Variants in DENND1A observed in about 807,000 individuals in gnomAD.
DENND1A encodes the protein DENN domain containing 1A, also known as DENN domain-containing protein 1A.
A neutral mutation model predicts 113.7 loss-of-function variants in DENND1A; 51 were observed. The observed-to-expected ratio is 0.45, with a 90% CI of 0.36 to 0.57. DENND1A has a LOEUF of 0.57. Ranked by LOEUF, DENND1A falls within the 20% of genes least tolerant of loss-of-function variation. The pLI is 0.00. For missense variants in DENND1A, 1,258 were observed against 1,395.9 expected, an observed-to-expected ratio of 0.90 and a Z score of 1.57; for synonymous variants, 565 against 570.8, an observed-to-expected ratio of 0.99 and a Z score of 0.14.
intron 12 of DENND1A, among the ~76,000 whole-genome samples, chr9:123,559,503 C>T (rs542506815): frequency 2.0e-5 from 3 of 152,180 alleles, no homozygotes; most frequent in African/African-American, 7.2e-5. Flanking sequence ...CCACAGCTTT[C>T]CTCAGATTCC....
At chr9:123,828,767 A>T (rs1473410666) in intron 2 of DENND1A, among the ~76,000 whole-genome samples, 1 of 152,110 alleles carries the variant, frequency 6.6e-6, no homozygotes, top group Non-Finnish European at 1.5e-5. Flanking sequence ...AAAGAAAATA[A>T]ATGCCAAGCT....
At chr9:123,757,990 A>G (rs2070719075) in intron 4 of DENND1A, among the ~76,000 whole-genome samples, 168 bp from the exon 5 acceptor site, 1 of 151,998 alleles carries the variant, frequency 6.6e-6, no homozygotes, top group Non-Finnish European at 1.5e-5. Flanking sequence ...AAAAAAAAAA[A>G]AAAAAAGACA....
At chr9:123,423,258 C>G (rs2045451967) in intron 19 of DENND1A, among the ~76,000 whole-genome samples, 1 of 152,150 alleles carries the variant, frequency 6.6e-6, no homozygotes, top group Admixed American at 6.5e-5. Flanking sequence ...GTAAGAGTCC[C>G]CTGGAAAGGC....
At chr9:123,656,007 C>T (rs1473527639) in intron 8 of DENND1A, among the ~76,000 whole-genome samples, 2 of 152,184 alleles carry the variant, frequency 1.3e-5, no homozygotes, top group Non-Finnish European at 2.9e-5. Flanking sequence ...ACATTAGACT[C>T]AGAAATCCAG....
chr9:123,451,886 G>A (rs181982487), intron 17 of DENND1A, among the ~76,000 whole-genome samples: 482 of 152,280 alleles, frequency 3.2e-3, no homozygotes, highest in Non-Finnish European at 4.8e-3. Context: ...TGCAATAGAG[G>A]ACAAGGTATA....
chr9:123,484,710 C>A (rs1220364898), intron 13 of DENND1A, among the ~76,000 whole-genome samples: 1 of 152,176 alleles, frequency 6.6e-6, no homozygotes, highest in African/African-American at 2.4e-5. Context: ...TGCTCCTGTT[C>A]CTTCTGTTGT....
At chr9:123,755,874 G>A (rs901365755) in intron 5 of DENND1A, among the ~76,000 whole-genome samples, 6 of 152,202 alleles carry the variant, frequency 3.9e-5, no homozygotes, top group African/African-American at 2.4e-5. Flanking sequence ...CCAGTAAACA[G>A]TAGGCTATGG....
intron 2 of DENND1A, among the ~76,000 whole-genome samples, chr9:123,820,056 CAT>C (rs1239442722): frequency 2.0e-5 from 3 of 151,886 alleles, no homozygotes; most frequent in African/African-American, 7.3e-5. Context: ...GAGGGAAAAA[CAT>C]ATTGAGAGGG....
chr9:123,656,862 G>T (rs1382757950), intron 8 of DENND1A, among the ~76,000 whole-genome samples: 1 of 152,200 alleles, frequency 6.6e-6, no homozygotes, highest in Non-Finnish European at 1.5e-5. Context: ...TGCTCAAAAG[G>T]TCTCGGTTTT....
intron 12 of DENND1A, among the ~76,000 whole-genome samples, chr9:123,573,398 G>C (rs1296446303): frequency 2.6e-5 from 4 of 152,008 alleles, no homozygotes; most frequent in African/African-American, 9.7e-5. Context: ...TAAAAATATT[G>C]AGTAAAAAAA....
At chr9:123,771,694 T>C (rs552126005) in intron 3 of DENND1A, among the ~76,000 whole-genome samples, 1 of 152,262 alleles carries the variant, frequency 6.6e-6, no homozygotes, top group South Asian at 2.1e-4. Flanking sequence ...CTCACTACAA[T>C]ATAGAAACTT....
At chr9:123,747,041 G>GT (rs1486628243) in intron 5 of DENND1A, among the ~76,000 whole-genome samples, 2 of 151,638 alleles carry the variant, frequency 1.3e-5, no homozygotes, top group Non-Finnish European at 2.9e-5. Flanking sequence ...TGTTTGCAGT[G>GT]TTTTTTTGTT....
intron 5 of DENND1A, among the ~76,000 whole-genome samples, chr9:123,749,093 C>A (rs2069780952): frequency 6.6e-6 from 1 of 152,208 alleles, no homozygotes; most frequent in Non-Finnish European, 1.5e-5. Context: ...TGGGCTCATT[C>A]TCCTGAGTTG....
At chr9:123,449,487 A>G (rs10986020) in intron 18 of DENND1A, among the ~76,000 whole-genome samples, 18,900 of 150,888 alleles carry the variant, frequency 0.13, 1,386 homozygotes, top group African/African-American at 0.2. Flanking sequence ...GTGAGCCGAG[A>G]TCGCGCCATT....
intron 2 of DENND1A, among the ~76,000 whole-genome samples, chr9:123,823,608 ATG>A (rs1838848535): frequency 6.6e-6 from 1 of 152,226 alleles, no homozygotes. Context: ...AAAAGATCCC[ATG>A]TGTCTTCCAA....
At chr9:123,668,885 C>T (rs1203442738) in intron 7 of DENND1A, among the ~76,000 whole-genome samples, 1 of 152,050 alleles carries the variant, frequency 6.6e-6, no homozygotes, top group Non-Finnish European at 1.5e-5. Context: ...CAGTATGACT[C>T]CATGAGATAC....
chr9:123,833,782 C>G (rs544574231), intron 2 of DENND1A, among the ~76,000 whole-genome samples: 1 of 152,124 alleles, frequency 6.6e-6, no homozygotes, highest in Non-Finnish European at 1.5e-5. Flanking sequence ...AGCTTCAGGC[C>G]GGGCACAGAG....
At chr9:123,412,804 T>C (rs2044416685) in intron 19 of DENND1A, among the ~76,000 whole-genome samples, 2 of 152,148 alleles carry the variant, frequency 1.3e-5, no homozygotes, top group Admixed American at 1.3e-4. Context: ...GGCTTCCGGT[T>C]GTTTCCTGCC....
chr9:123,709,484 C>A (rs1357661373), intron 5 of DENND1A, among the ~76,000 whole-genome samples: 1 of 152,174 alleles, frequency 6.6e-6, no homozygotes, highest in Non-Finnish European at 1.5e-5. Context: ...TTGGCACAGT[C>A]TGAACTTGAC....
Sources: gnomAD v4.1 joint callset for allele counts (sites outside exome capture counted in the v4.1 genomes callset) on GRCh38, gnomAD v4.1.1 for gene constraint, MANE v1.5 for transcripts, NCBI Gene and HGNC (gene_info 2026-07-23, HGNC 2026-07-21) for gene names.